Variants in DGKB observed in about 807,000 individuals in gnomAD.
DGKB encodes the protein diacylglycerol kinase beta, also known as 90 kDa diacylglycerol kinase.
A neutral mutation model predicts 114.3 loss-of-function variants in DGKB; 67 were observed. The observed-to-expected ratio is 0.59, with a 90% CI of 0.48 to 0.72. The LOEUF (loss-of-function observed/expected upper bound fraction) is 0.72. DGKB is among the 30% of genes least tolerant of loss of function. DGKB has a pLI of 0.00. For missense variants in DGKB, 907 were observed against 975.2 expected (o/e 0.93, Z 0.93); for synonymous variants, 398 against 323.1 (o/e 1.23, Z -2.49).
At chr7:14,716,793 T>G (rs1025681652) in intron 6 of DGKB, among the ~76,000 whole-genome samples, 1 of 152,126 alleles carries the variant, frequency 6.6e-6, no homozygotes, top group Non-Finnish European at 1.5e-5. Flanking sequence ...ATGATTCTGA[T>G]GTATAGCCAG....
At chr7:14,952,668 A>T (rs543037351) in intron 1 of DGKB, among the ~76,000 whole-genome samples, 86 of 152,164 alleles carry the variant, frequency 5.7e-4, no homozygotes, top group African/African-American at 2.0e-3. Flanking sequence ...AGACACAAAA[A>T]TTGCTTGAAC....
At chr7:14,947,510 A>G (rs1037920995) in intron 1 of DGKB, among the ~76,000 whole-genome samples, 5 of 136,832 alleles carry the variant, frequency 3.7e-5, no homozygotes, top group African/African-American at 1.4e-4. Context: ...CAAAGTCATA[A>G]AAGAGTCAAT....
intron 21 of DGKB, among the ~76,000 whole-genome samples, chr7:14,372,880 T>C (rs1028378756): frequency 6.6e-6 from 1 of 152,212 alleles, no homozygotes; most frequent in African/African-American, 2.4e-5. Context: ...ATCCAGTTTA[T>C]TATTACCTTG....
At chr7:14,496,242 T>C (rs1785289528) in intron 20 of DGKB, among the ~76,000 whole-genome samples, 1 of 151,810 alleles carries the variant, frequency 6.6e-6, no homozygotes, top group South Asian at 2.1e-4. Flanking sequence ...GTAGAAGTAA[T>C]GCCCATATGG....
chr7:14,824,383 G>A (rs986641725), intron 2 of DGKB, among the ~76,000 whole-genome samples: 1 of 151,966 alleles, frequency 6.6e-6, no homozygotes, highest in Non-Finnish European at 1.5e-5. Context: ...TTTAGAATTG[G>A]GTAAGGACCT....
chr7:14,782,002 T>G (rs1413428927), intron 2 of DGKB, among the ~76,000 whole-genome samples: 2 of 152,152 alleles, frequency 1.3e-5, no homozygotes, highest in Non-Finnish European at 2.9e-5. Flanking sequence ...AGAAAGCATT[T>G]TTTTAAAAAA....
At position 14,964,111 on chromosome 7, in the gene DGKB, C is replaced by T. The variant is rs916165631; in HGVS notation, c.-188+10585G>A. Among the ~76,000 whole-genome samples the T allele has an allele frequency of 4.0e-5, 6 of 151,062 alleles. No individual in the cohort carries two copies. The South Asian group carries it at 1.3e-3, about 33-fold the overall frequency. ...CCAGTGAACATTTGGAACAATCAAT[C>T]TCCTTATCAGTTGAGTTATGAGTAA... On this transcript the variant is annotated intron_variant, in intron 1 of 4. Coordinates refer to the DGKB transcript ENST00000437998.
At chr7:14,715,965 G>A (rs1191042020) in intron 6 of DGKB, among the ~76,000 whole-genome samples, 1 of 152,082 alleles carries the variant, frequency 6.6e-6, no homozygotes, top group East Asian at 1.9e-4. Context: ...GTAAATACCT[G>A]GCAGAAAAGA....
chr7:14,803,455 A>T (rs1423208216), intron 2 of DGKB, among the ~76,000 whole-genome samples: 1 of 152,180 alleles, frequency 6.6e-6, no homozygotes, highest in African/African-American at 2.4e-5. Context: ...AAAAGTGATT[A>T]CAATGTAACT....
intron 23 of DGKB, among the ~76,000 whole-genome samples, chr7:14,203,563 C>A (rs1786251472): frequency 6.6e-6 from 1 of 151,968 alleles, no homozygotes; most frequent in South Asian, 2.1e-4. Flanking sequence ...GTGAATAAAT[C>A]TGCAAGCCAG....
intron 21 of DGKB, among the ~76,000 whole-genome samples, chr7:14,410,823 C>T (rs549468906): frequency 6.6e-6 from 1 of 151,896 alleles, no homozygotes; most frequent in Non-Finnish European, 1.5e-5. Flanking sequence ...AGATAACCCA[C>T]AGAAAAATGA....
intron 2 of DGKB, among the ~76,000 whole-genome samples, chr7:14,797,797 G>T (rs1271762302): frequency 3.9e-5 from 6 of 152,084 alleles, no homozygotes; most frequent in African/African-American, 1.4e-4. Context: ...GGAGGGAGTG[G>T]TGCTCAGTGG....
At chr7:14,663,008 T>G (rs1421388790) in intron 13 of DGKB, among the ~76,000 whole-genome samples, 1 of 151,998 alleles carries the variant, frequency 6.6e-6, no homozygotes, top group African/African-American at 2.4e-5. Flanking sequence ...TGCATAGTTA[T>G]AAGCAATTTT....
intron 21 of DGKB, among the ~76,000 whole-genome samples, chr7:14,394,412 T>C (rs956034016): frequency 1.3e-5 from 2 of 152,160 alleles, no homozygotes; most frequent in Non-Finnish European, 2.9e-5. Context: ...AAAGAATATA[T>C]CATTAATTGT....
intron 21 of DGKB, among the ~76,000 whole-genome samples, chr7:14,392,995 G>GTTTTGTTTTTTGTTTTTTTTTTTTT (rs1554404749): frequency 1.7e-5 from 1 of 60,546 alleles, no homozygotes; most frequent in African/African-American, 4.8e-5. Flanking sequence ...TTTTGTTTTT[G>GTTTTGTTTTTTGTTTTTTTTTTTTT]TTTTTTTTTT....
intron 1 of DGKB, among the ~76,000 whole-genome samples, chr7:14,843,753 C>G (rs933455328): frequency 1.3e-5 from 2 of 152,156 alleles, no homozygotes; most frequent in Non-Finnish European, 2.9e-5. Flanking sequence ...ATTTGTTGAG[C>G]CTTGCTGTCT....
rs1781586132 is a variant in DGKB at position 14,147,362 on chromosome 7, G to T, written c.*1769C>A. On this transcript the variant is annotated 3_prime_UTR_variant, in exon 26 of 26. Transcript: ENST00000402815. ...TTTTAAAGTAATTAAGCTTATTGTT[G>T]ATTGATATTTACCGTCCAATGTTCC... 1.3e-5 allele frequency: 2 copies of T among 152,104 alleles called. No homozygotes were observed. Among genetic ancestry groups the T allele is most frequent in the African/African-American group, 4.8e-5 (2 of 41,422 alleles). The allele number at this position is 152,104 out of a possible 1,614,324, so 9.4% of individuals were successfully genotyped here. A position where few individuals can be genotyped will look rare whatever the true frequency, so the allele number is the denominator to read the frequency against.
At position 14,599,138 on chromosome 7, in the gene DGKB, G is replaced by A. The variant is rs73680493; in HGVS notation, c.1433+8296C>T. 6.5e-3 allele frequency among the ~76,000 whole-genome samples: 985 copies of A among 152,244 alleles called. 10 individuals are homozygous for A. Among genetic ancestry groups the A allele is most frequent in the African/African-American group, 0.022 (906 of 41,546 alleles). ...ACAAGAGGATAACACAGCAAAAGCT[G>A]GATTTAGAAATTGGAGGGCTGCCAA... On this transcript the variant is annotated intron_variant, in intron 17 of 25. Transcript: ENST00000402815.
chr7:14,918,704 A>G (rs1261065031), intron 1 of DGKB, among the ~76,000 whole-genome samples: 1 of 152,148 alleles, frequency 6.6e-6, no homozygotes, highest in Non-Finnish European at 1.5e-5. Flanking sequence ...AACTTGATCT[A>G]TGGAATCAAT....
Sources: allele counts gnomAD v4.1 joint callset (sites outside exome capture counted in the v4.1 genomes callset), GRCh38; gene constraint gnomAD v4.1.1; transcripts MANE v1.5; gene names NCBI Gene and HGNC (gene_info 2026-07-23, HGNC 2026-07-21).